Variants in CRTAC1 observed in about 807,000 individuals in gnomAD.
CRTAC1 encodes cartilage acidic protein 1, also known as acidic secreted protein in cartilage.
CRTAC1 carries 37 observed loss-of-function variants against 67.8 expected under a neutral mutation model. The ratio of observed to expected loss-of-function variants is 0.55; its 90% CI spans 0.42 to 0.72. CRTAC1 has a LOEUF of 0.72. Ranked by LOEUF, CRTAC1 falls within the 30% of genes least tolerant of loss-of-function variation. The pLI, the probability that CRTAC1 is intolerant of heterozygous loss-of-function variation, is 0.00. For synonymous variants in CRTAC1, 348 were observed against 371.0 expected, an observed-to-expected ratio of 0.94 and a Z score of 0.71; for missense variants, 780 against 931.6, an observed-to-expected ratio of 0.84 and a Z score of 2.12.
intron 1 of CRTAC1, among the ~76,000 whole-genome samples, chr10:98,021,847 G>T (rs1227940491): frequency 6.6e-6 from 1 of 152,134 alleles, no homozygotes; most frequent in East Asian, 1.9e-4. Flanking sequence ...ATTTGTCTAG[G>T]GGACCCTGAT....
chr10:97,976,659 A>C (rs2051809037), intron 2 of CRTAC1, among the ~76,000 whole-genome samples: 4 of 152,244 alleles, frequency 2.6e-5, no homozygotes, highest in Admixed American at 2.6e-4. Flanking sequence ...ATCCATTGCC[A>C]CTGCTTCCAC....
chr10:97,952,583 T>C (rs1448737318), intron 2 of CRTAC1, among the ~76,000 whole-genome samples: 1 of 139,892 alleles, frequency 7.1e-6, no homozygotes, highest in East Asian at 2.3e-4. Flanking sequence ...TCTAGAGCAC[T>C]ACCCAGACCT....
At chr10:97,961,571 G>C (rs1371797293) in intron 2 of CRTAC1, among the ~76,000 whole-genome samples, 1 of 152,220 alleles carries the variant, frequency 6.6e-6, no homozygotes, top group Non-Finnish European at 1.5e-5. Flanking sequence ...CATGTGAACA[G>C]GGAGGAGACC....
chr10:97,994,795 T>C (rs1014973084), intron 2 of CRTAC1, among the ~76,000 whole-genome samples: 1 of 152,216 alleles, frequency 6.6e-6, no homozygotes, highest in Non-Finnish European at 1.5e-5. Context: ...CCCCACAGGA[T>C]CCTGTGATTG....
intron 2 of CRTAC1, among the ~76,000 whole-genome samples, chr10:97,948,884 T>C (rs1027126374): frequency 1.5e-4 from 22 of 149,998 alleles, no homozygotes; most frequent in African/African-American, 5.1e-4. Flanking sequence ...TCAGGAGAGA[T>C]AAGTGCAGAG....
rs11819287 is a variant in CRTAC1 at position 98,026,070 on chromosome 10, C to G, written c.24+4379G>C. On this transcript the variant is annotated intron_variant, in intron 1 of 14. Coordinates refer to ENST00000370597, the MANE Select transcript of CRTAC1 (RefSeq NM_018058.7). ...CTGGGAAAAAGAAGACTCGGGGGTT[C>G]CCAGTGATTCAGCAATAATATCCCC... Among the ~76,000 whole-genome samples, 487 of 152,262 alleles carry G rather than the reference C, an allele frequency of 3.2e-3. 3 individuals carry two copies. Among genetic ancestry groups the G allele is most frequent in the African/African-American group, 0.011 (465 of 41,530 alleles).
At chr10:97,982,091 G>A (rs2051900821) in intron 2 of CRTAC1, among the ~76,000 whole-genome samples, 2 of 152,204 alleles carry the variant, frequency 1.3e-5, no homozygotes, top group South Asian at 4.1e-4. Flanking sequence ...TCTTGCCAAT[G>A]GCAAGAAAAA....
chr10:97,880,122 G>A, intron 14 of CRTAC1, 127 bp downstream of exon 14: 1 of 1,160,524 alleles, frequency 8.6e-7, no homozygotes, highest in Non-Finnish European at 1.2e-6. Flanking sequence ...CCCAATATGG[G>A]TCAAAGGAGA....
intron 1 of CRTAC1, among the ~76,000 whole-genome samples, chr10:98,013,577 A>C (rs1369494148): frequency 6.6e-6 from 1 of 152,208 alleles, no homozygotes; most frequent in Non-Finnish European, 1.5e-5. Flanking sequence ...TGACCTTAAA[A>C]CAAGTCACAA....
At position 97,901,531 on chromosome 10, in the gene CRTAC1, G is replaced by T; in HGVS notation, c.1105C>A (p.Arg369Ser). ...AAGAGGCGGTTGGCTGAGGAGCTGC[G>T]GTAGGCAATGTTGTTGAAGAAGATC... Reference protein sequence around the residue: ...LEIFFNNIAYRSSSANRLFRV... With the variant: ...LEIFFNNIAYSSSSANRLFRV... The change falls in exon 8 of 15, where the codon CGC becomes AGC. Residue 369 changes from arginine to serine, a missense_variant. Arg to Ser is a moderately radical substitution (Grantham distance 110). Coordinates refer to ENST00000370597, the MANE Select transcript of CRTAC1 (RefSeq NM_018058.7). The T allele has an allele frequency of 1.2e-6, 2 of 1,614,190 alleles. No homozygotes were observed. Among genetic ancestry groups the T allele is most frequent in the African/African-American group, 1.3e-5 (1 of 75,058 alleles).
At chr10:98,000,328 T>C (rs1842665248) in intron 2 of CRTAC1, among the ~76,000 whole-genome samples, 1 of 152,200 alleles carries the variant, frequency 6.6e-6, no homozygotes, top group South Asian at 2.1e-4. Context: ...TTTGAGACCC[T>C]GCAGTTCCCA....
intron 13 of CRTAC1, 117 bp downstream of exon 13, chr10:97,882,669 C>A (rs2050231001): frequency 9.6e-7 from 1 of 1,045,112 alleles, no homozygotes; most frequent in East Asian, 2.4e-5. Flanking sequence ...ACAACACCCT[C>A]CCCTGTCCTC....
intron 2 of CRTAC1, among the ~76,000 whole-genome samples, chr10:97,966,639 C>G (rs1453884619): frequency 6.6e-6 from 1 of 152,124 alleles, no homozygotes; most frequent in Non-Finnish European, 1.5e-5. Flanking sequence ...CCTAATGTCC[C>G]TTTTCTGTTC....
At chr10:97,911,683 G>T (rs1297716761) in intron 5 of CRTAC1, among the ~76,000 whole-genome samples, 1 of 152,196 alleles carries the variant, frequency 6.6e-6, no homozygotes, top group Non-Finnish European at 1.5e-5. Flanking sequence ...CAAACCAATA[G>T]AATCCACCCA....
At chr10:98,018,100 G>A (rs994266250) in intron 1 of CRTAC1, among the ~76,000 whole-genome samples, 1 of 150,302 alleles carries the variant, frequency 6.7e-6, no homozygotes, top group Non-Finnish European at 1.5e-5. Context: ...TACTCAGGAG[G>A]CTGAGGCAGG....
chr10:97,880,386 T>A lies in CRTAC1; in HGVS notation c.1682A>T (p.Asn561Ile), dbSNP rs748054409. The change falls in exon 14 of 15, where the codon AAT becomes ATT. Residue 561 changes from asparagine (N) to isoleucine (I), a missense_variant. Asn to Ile is a moderately radical substitution (Grantham distance 149). Transcript: ENST00000370597. ...CACGAATGGGAACTGGATGCATTCA[T>A]TGGTGTCTGCAAGGCGAGGGGAACC... ...QQENGHCMDT[N>I]ECIQFPFVCP... The A allele has an allele frequency of 1.2e-6, 2 of 1,613,466 alleles. No individual in the cohort carries two copies. The highest frequency in any genetic ancestry group is 1.7e-6 in the Non-Finnish European group (2 of 1,179,424).
chr10:97,866,994 A>G (rs2136522917), intron 14 of CRTAC1: 1 of 152,298 alleles, frequency 6.6e-6, no homozygotes, highest in Middle Eastern at 3.4e-3. Context: ...CCCTAGGGCT[A>G]CCAGGGAACA....
At chr10:97,996,512 T>C (rs1267637524) in intron 2 of CRTAC1, among the ~76,000 whole-genome samples, 1 of 151,884 alleles carries the variant, frequency 6.6e-6, no homozygotes, top group Non-Finnish European at 1.5e-5. Flanking sequence ...ATCAGAGAAA[T>C]GCAAATCAAA....
At chr10:97,905,283 G>A (rs771647433) in intron 6 of CRTAC1, among the ~76,000 whole-genome samples, 2 of 152,118 alleles carry the variant, frequency 1.3e-5, no homozygotes, top group East Asian at 1.9e-4. Context: ...GGTCCTGTCC[G>A]CCTTATCTGG....
Sources: gnomAD v4.1 joint callset for allele counts (sites outside exome capture counted in the v4.1 genomes callset) on GRCh38, gnomAD v4.1.1 for gene constraint, MANE v1.5 for transcripts, NCBI Gene and HGNC (gene_info 2026-07-23, HGNC 2026-07-21) for gene names.